The following ENPP6 variants were observed in gnomAD, a reference collection of about 807,000 sequenced individuals.
The protein encoded by ENPP6 is glycerophosphocholine cholinephosphodiesterase ENPP6.
Under a neutral mutation model 42.0 loss-of-function variants are expected in ENPP6, and 32 were observed. The observed-to-expected ratio is 0.76, with a 90% confidence interval of 0.58 to 1.02. The LOEUF is 1.02. ENPP6 is among the 50% of genes least tolerant of loss of function. ENPP6 has a pLI of 0.00. For missense variants in ENPP6, 552 were observed against 566.8 expected (o/e 0.97, Z 0.27); for synonymous variants, 213 against 216.0 (o/e 0.99, Z 0.12).
intron 1 of ENPP6, among the ~76,000 whole-genome samples, chr4:184,208,173 G>A (rs1352036412): frequency 9.9e-5 from 15 of 151,988 alleles, no homozygotes; most frequent in Admixed American, 9.8e-4. Context: ...CGAGTGTTCT[G>A]CCTCCCCTGC....
chr4:184,091,115 A>G lies in ENPP6; in HGVS notation c.*62T>C. 1 of 1,453,934 alleles carries G rather than the reference A, an allele frequency of 6.9e-7. No individual in the cohort carries two copies. The highest frequency in any genetic ancestry group is 1.4e-5 in the African/African-American group (1 of 70,524). 90.1% of individuals were successfully genotyped at this position (1,453,934 alleles called of 1,614,324 possible). A position where few individuals can be genotyped will look rare whatever the true frequency, so the allele number is the denominator to read the frequency against. Reference sequence around the variant, plus strand: ...ATTATTCACACATAAAATGAAAATCATCTGGCTTTGGAGGCCCACTTTGCT... The same window carrying G: ...ATTATTCACACATAAAATGAAAATCGTCTGGCTTTGGAGGCCCACTTTGCT... On this transcript the variant is annotated 3_prime_UTR_variant, in exon 8 of 8. Transcript: ENST00000296741.
chr4:184,175,695 A>C (rs1187116119), intron 1 of ENPP6, among the ~76,000 whole-genome samples: 1 of 152,222 alleles, frequency 6.6e-6, no homozygotes, highest in African/African-American at 2.4e-5. Flanking sequence ...TGGAGTATTG[A>C]GAAACAGGAG....
At chr4:184,159,454 A>T (rs1259254527) in intron 1 of ENPP6, among the ~76,000 whole-genome samples, 1 of 152,194 alleles carries the variant, frequency 6.6e-6, no homozygotes, top group Non-Finnish European at 1.5e-5. Context: ...AAGTGATGTG[A>T]TTGACCAACA....
chr4:184,179,742 G>A (rs1003128034), intron 1 of ENPP6, among the ~76,000 whole-genome samples: 21 of 152,294 alleles, frequency 1.4e-4, no homozygotes, highest in Admixed American at 1.3e-3. Context: ...CAACTATATG[G>A]AAATTGAGCA....
rs201805878 is a variant in ENPP6 at position 184,217,691 on chromosome 4, C to T, written c.129G>A (p.Ala43=). ...GFRSDYISDE[A]LESLPGFKEI... is the part of the protein sequence containing the mutation. ...CTTTGAAACCAGGCAATGACTCCAG[C>T]GCCTCATCACTGATGTAGTCTGAGC... Residue 43 remains alanine (A), a synonymous_variant, in exon 1 of 8, where the codon GCG becomes GCA. Transcript: ENST00000296741. 1.1e-4 allele frequency: 175 copies of T among 1,614,222 alleles called. No individual in the cohort carries two copies. The highest frequency in any genetic ancestry group is 3.7e-4 in the African/African-American group (28 of 75,064).
intron 1 of ENPP6, among the ~76,000 whole-genome samples, chr4:184,190,306 T>C (rs1732696500): frequency 1.3e-5 from 2 of 152,242 alleles, no homozygotes; most frequent in African/African-American, 4.8e-5. Context: ...TCACAATATT[T>C]GACAGAGTTT....
intron 2 of ENPP6, among the ~76,000 whole-genome samples, chr4:184,125,976 A>G (rs1044361975): frequency 1.3e-5 from 2 of 152,226 alleles, no homozygotes; most frequent in Admixed American, 1.3e-4. Context: ...TCAGTGCCAG[A>G]AACCCCAAAG....
At chr4:184,093,519 A>G (rs781676453) in intron 7 of ENPP6, among the ~76,000 whole-genome samples, 6 of 151,792 alleles carry the variant, frequency 4.0e-5, no homozygotes, top group Non-Finnish European at 8.8e-5. Flanking sequence ...GGTGTCTGTA[A>G]TCTCAGCTAC....
intron 1 of ENPP6, among the ~76,000 whole-genome samples, chr4:184,178,522 C>A (rs1732489593): frequency 6.6e-6 from 1 of 152,058 alleles, no homozygotes; most frequent in South Asian, 2.1e-4. Flanking sequence ...ATCCAGGGAA[C>A]CCCAGTAAGA....
chr4:184,147,625 T>C (rs1344477460), intron 2 of ENPP6, among the ~76,000 whole-genome samples: 1 of 149,932 alleles, frequency 6.7e-6, no homozygotes, highest in Non-Finnish European at 1.5e-5. Flanking sequence ...CCCGACCCCA[T>C]GCCCATCTCT....
intron 6 of ENPP6, among the ~76,000 whole-genome samples, chr4:184,100,907 G>A (rs1579607660): frequency 6.6e-6 from 1 of 152,174 alleles, no homozygotes; most frequent in African/African-American, 2.4e-5. Flanking sequence ...GGTGGAGGGC[G>A]GCTCCTTCCC....
rs182389991 is a variant in ENPP6 at position 184,178,557 on chromosome 4, C to T, written c.242-24824G>A. ...ATACTCCATGAGAAGATCAACCAACCCTAAGACACATAATCATCAGATTCT... is the reference window on the plus strand; with the variant it reads ...ATACTCCATGAGAAGATCAACCAACTCTAAGACACATAATCATCAGATTCT... On this transcript the variant is annotated intron_variant, in intron 1 of 7. Transcript: ENST00000296741. Among the ~76,000 whole-genome samples, 186 of 152,200 alleles carry T rather than the reference C, an allele frequency of 1.2e-3. 1 individual carries two copies. Among genetic ancestry groups the T allele is most frequent in the African/African-American group, 4.2e-3 (174 of 41,534 alleles).
intron 1 of ENPP6, among the ~76,000 whole-genome samples, chr4:184,195,925 G>A (rs964751744): frequency 3.9e-5 from 6 of 152,180 alleles, no homozygotes; most frequent in East Asian, 1.9e-4. Flanking sequence ...AGCTGGTCCT[G>A]CAGGTCCTTC....
At chr4:184,167,711 G>C (rs964151152) in intron 1 of ENPP6, among the ~76,000 whole-genome samples, 3 of 152,158 alleles carry the variant, frequency 2.0e-5, no homozygotes, top group Non-Finnish European at 2.9e-5. Context: ...CCAAGTTCAC[G>C]GCCTCGGGCC....
chr4:184,191,066 G>A (rs546843086), intron 1 of ENPP6, among the ~76,000 whole-genome samples: 9 of 152,236 alleles, frequency 5.9e-5, no homozygotes, highest in Non-Finnish European at 1.2e-4. Context: ...CGTATGCCAC[G>A]TGCATATGCA....
intron 4 of ENPP6, 119 bp downstream of exon 4, chr4:184,117,640 G>A (rs1736341987): frequency 2.1e-6 from 3 of 1,457,006 alleles, no homozygotes; most frequent in Non-Finnish European, 2.8e-6. Flanking sequence ...GTCAAAGCCT[G>A]TGCTGGCCCA....
intron 1 of ENPP6, among the ~76,000 whole-genome samples, chr4:184,165,514 G>A (rs946319979): frequency 2.6e-5 from 4 of 152,198 alleles, no homozygotes; most frequent in Non-Finnish European, 5.9e-5. Flanking sequence ...GAACTCGTAA[G>A]TCAGGCCTGA....
chr4:184,119,813 C>T (rs566569389), intron 3 of ENPP6, among the ~76,000 whole-genome samples: 5 of 152,196 alleles, frequency 3.3e-5, no homozygotes, highest in African/African-American at 1.2e-4. Flanking sequence ...AGGGATTTCC[C>T]CCCTTTTGCT....
At chr4:184,156,332 C>T (rs1737158476) in intron 1 of ENPP6, among the ~76,000 whole-genome samples, 1 of 152,234 alleles carries the variant, frequency 6.6e-6, no homozygotes, top group Admixed American at 6.5e-5. Flanking sequence ...TCGACTCAGA[C>T]TCAAGCTGAT....
Sources: allele counts gnomAD v4.1 joint callset (sites outside exome capture counted in the v4.1 genomes callset), GRCh38; gene constraint gnomAD v4.1.1; transcripts MANE v1.5; gene names NCBI Gene and HGNC (gene_info 2026-07-23, HGNC 2026-07-21).